Variants in NAALADL2 observed in about 807,000 individuals in gnomAD.
The protein encoded by NAALADL2 is N-acetylated alpha-linked acidic dipeptidase like 2.
A neutral mutation model predicts 87.2 loss-of-function variants in NAALADL2; 76 were observed. The observed-to-expected ratio is 0.87, with a 90% CI of 0.72 to 1.05. The LOEUF is 1.05. NAALADL2 is among the 50% of genes least tolerant of loss of function. NAALADL2 has a pLI of 0.00. For missense variants in NAALADL2, 1,089 were observed against 945.8 expected (o/e 1.15, Z -1.99); for synonymous variants, 354 against 331.0 (o/e 1.07, Z -0.75).
At chr3:175,160,369 T>TC (rs1732991013) in intron 2 of NAALADL2, among the ~76,000 whole-genome samples, 3 of 124,682 alleles carry the variant, frequency 2.4e-5, no homozygotes, top group Admixed American at 7.9e-5. Context: ...TCTTTTTTTT[T>TC]TTTTTTTTTT....
chr3:174,780,726 C>T (rs907054323), intron 3 of NAALADL2, among the ~76,000 whole-genome samples: 3 of 151,906 alleles, frequency 2.0e-5, no homozygotes, highest in Non-Finnish European at 2.9e-5. Context: ...CTTTTCTGCA[C>T]CTGTTGAGAT....
At chr3:174,744,391 A>T (rs1734055510) in intron 3 of NAALADL2, among the ~76,000 whole-genome samples, 1 of 152,006 alleles carries the variant, frequency 6.6e-6, no homozygotes, top group African/African-American at 2.4e-5. Flanking sequence ...ATTCAACAAG[A>T]AGAACTAACA....
chr3:175,291,705 T>G (rs1331549867), intron 4 of NAALADL2, among the ~76,000 whole-genome samples: 2 of 152,148 alleles, frequency 1.3e-5, no homozygotes, highest in African/African-American at 4.8e-5. Flanking sequence ...CCTTGGGTTT[T>G]ATGAGATAGA....
chr3:175,124,016 C>T (rs1462939349), intron 2 of NAALADL2, among the ~76,000 whole-genome samples: 2 of 151,914 alleles, frequency 1.3e-5, no homozygotes. Flanking sequence ...ATCTAAGATA[C>T]TTTCCAAATC....
At chr3:175,684,802 CA>C (rs201188476) in intron 11 of NAALADL2, among the ~76,000 whole-genome samples, 15 of 150,566 alleles carry the variant, frequency 1.0e-4, no homozygotes, top group Admixed American at 3.3e-4. Context: ...GGAATTGTCT[CA>C]AAAAAAAATT....
chr3:175,297,874 T>C (rs1438392765), intron 4 of NAALADL2, among the ~76,000 whole-genome samples: 2 of 152,192 alleles, frequency 1.3e-5, no homozygotes, highest in South Asian at 2.1e-4. Context: ...AAATTTCTCC[T>C]ATGTAAAAAT....
intron 5 of NAALADL2, among the ~76,000 whole-genome samples, chr3:175,387,912 G>A (rs979772967): frequency 2.6e-5 from 4 of 151,986 alleles, no homozygotes; most frequent in African/African-American, 9.7e-5. Context: ...TACATTTGAA[G>A]ATATCTAATC....
At chr3:175,457,200 C>T (rs1489100848) in intron 6 of NAALADL2, among the ~76,000 whole-genome samples, 1 of 151,974 alleles carries the variant, frequency 6.6e-6, no homozygotes, top group Admixed American at 6.6e-5. Flanking sequence ...CCTGCCCCTA[C>T]CATGATGTAG....
chr3:175,783,880 G>A (rs59849866), intron 13 of NAALADL2, among the ~76,000 whole-genome samples: 30,943 of 130,662 alleles, frequency 0.24, 4,879 homozygotes, highest in African/African-American at 0.42. Flanking sequence ...ACATCCCATC[G>A]ATACCTAATT....
chr3:175,401,990 G>T (rs1770619552), intron 5 of NAALADL2, among the ~76,000 whole-genome samples: 1 of 151,914 alleles, frequency 6.6e-6, no homozygotes. Flanking sequence ...ACTTCCTAAG[G>T]CACTTATATC....
At chr3:175,288,105 A>C (rs1210116816) in intron 4 of NAALADL2, among the ~76,000 whole-genome samples, 2 of 152,112 alleles carry the variant, frequency 1.3e-5, no homozygotes, top group Non-Finnish European at 2.9e-5. Flanking sequence ...TCTTGAGACC[A>C]GAGTCTCACT....
chr3:175,431,641 A>G (rs1034145235), intron 5 of NAALADL2, among the ~76,000 whole-genome samples: 1 of 152,008 alleles, frequency 6.6e-6, no homozygotes, highest in Non-Finnish European at 1.5e-5. Flanking sequence ...TAACGTGTGG[A>G]CTATGACCAA....
In NAALADL2 at chr3:174,810,979, C is replaced by G. The variant is rs111350674; in HGVS notation, c.-9+73233C>G. On this transcript the variant is annotated intron_variant, in intron 3 of 3. Transcript: ENST00000434257. ...AGCTCCAGCCCAGGTACAGCTTGGA[C>G]TGTTTCAGAGGGTGCAAGCTGTAAG... is the stretch of plus-strand genomic sequence containing the variant. 6.6e-3 allele frequency among the ~76,000 whole-genome samples: 1,008 copies of G among 152,292 alleles called. 12 individuals are homozygous for G. Among genetic ancestry groups the G allele is most frequent in the African/African-American group, 0.023 (962 of 41,554 alleles).
At chr3:175,177,081 G>A (rs1283020199) in intron 2 of NAALADL2, among the ~76,000 whole-genome samples, 2 of 151,974 alleles carry the variant, frequency 1.3e-5, no homozygotes, top group Admixed American at 1.3e-4. Context: ...ACTTCTTTTG[G>A]ACATTTTCTA....
chr3:175,021,386 A>G (rs79981943), intron 1 of NAALADL2, among the ~76,000 whole-genome samples: 7,324 of 152,178 alleles, frequency 0.048, 409 homozygotes, highest in East Asian at 0.25. Context: ...ATAAACCAAC[A>G]CAGTGCCTAG....
chr3:174,949,229 T>A (rs998365316), intron 1 of NAALADL2, among the ~76,000 whole-genome samples: 2 of 152,204 alleles, frequency 1.3e-5, no homozygotes, highest in South Asian at 4.1e-4. Flanking sequence ...CCATAGCTCT[T>A]ACCCATAGCC....
intron 2 of NAALADL2, among the ~76,000 whole-genome samples, chr3:174,654,719 T>C (rs1464123471): frequency 6.6e-6 from 1 of 152,158 alleles, no homozygotes; most frequent in Non-Finnish European, 1.5e-5. Flanking sequence ...ATGAGCCTTG[T>C]AATAAAATTA....
chr3:175,783,167 T>G lies in NAALADL2; in HGVS notation c.2190-19838T>G, dbSNP rs575588975. On this transcript the variant is annotated intron_variant, in intron 13 of 13. Transcript: ENST00000454872. ...TGCCTCCAGCTTTGTTCTTTTGACTTAGGACTGACTTGGTGATGCAGGCTC... is the reference window on the plus strand; with the variant it reads ...TGCCTCCAGCTTTGTTCTTTTGACTGAGGACTGACTTGGTGATGCAGGCTC... Among the ~76,000 whole-genome samples the G allele has an allele frequency of 2.5e-3, 381 of 152,332 alleles. 1 individual carries two copies. Among genetic ancestry groups the G allele is most frequent in the African/African-American group, 8.3e-3 (346 of 41,560 alleles).
intron 11 of NAALADL2, among the ~76,000 whole-genome samples, chr3:175,663,922 A>G (rs890721084): frequency 4.6e-5 from 7 of 152,042 alleles, no homozygotes; most frequent in Non-Finnish European, 1.0e-4. Context: ...TCATATTTGC[A>G]TGATGTATTT....
Sources: allele counts gnomAD v4.1 joint callset (sites outside exome capture counted in the v4.1 genomes callset), GRCh38; gene constraint gnomAD v4.1.1; transcripts MANE v1.5; gene names NCBI Gene and HGNC (gene_info 2026-07-23, HGNC 2026-07-21).